Variants in MKX observed in about 807,000 individuals in gnomAD.
MKX encodes the protein homeobox protein Mohawk.
MKX carries 13 observed loss-of-function variants against 36.0 expected under a neutral mutation model. The observed-to-expected ratio is 0.36, with a 90% CI of 0.24 to 0.57. MKX has a LOEUF of 0.57. Among genes scored for constraint, MKX ranks in the 20% least tolerant of loss-of-function variants. MKX has a pLI of 0.79. For missense variants in MKX, 458 were observed against 456.4 expected (o/e 1.00, Z -0.03); for synonymous variants, 176 against 178.3 (o/e 0.99, Z 0.10).
chr10:27,684,637 G>C (rs1409217706), intron 5 of MKX, among the ~76,000 whole-genome samples: 1 of 152,162 alleles, frequency 6.6e-6, no homozygotes, highest in Non-Finnish European at 1.5e-5. Flanking sequence ...GCCTTTCCCA[G>C]TGTGGCAGTG....
chr10:27,686,394 A>AAAGGAAGGAAGGAAGG (rs199641003), intron 5 of MKX, among the ~76,000 whole-genome samples: 13 of 123,000 alleles, frequency 1.1e-4, no homozygotes, highest in African/African-American at 1.5e-4. Context: ...AAGGGAAGGG[A>AAAGGAAGGAAGGAAGG]AAGGAAGGAA....
intron 5 of MKX, among the ~76,000 whole-genome samples, chr10:27,708,727 C>CAA (rs754475857): frequency 1.0e-5 from 1 of 96,574 alleles, no homozygotes; most frequent in East Asian, 3.5e-4. Flanking sequence ...GACTTCTTTT[C>CAA]AAAAAAAAAA....
At chr10:27,727,432 G>A (rs1834515733) in intron 5 of MKX, among the ~76,000 whole-genome samples, 1 of 152,178 alleles carries the variant, frequency 6.6e-6, no homozygotes, top group South Asian at 2.1e-4. Flanking sequence ...TGAAACCCTG[G>A]TACAATTGCA....
chr10:27,696,934 G>C (rs1836565092), intron 5 of MKX, among the ~76,000 whole-genome samples: 1 of 152,164 alleles, frequency 6.6e-6, no homozygotes, highest in South Asian at 2.1e-4. Context: ...CTGTTGGTAA[G>C]AATTTTCTGT....
At position 27,725,548 on chromosome 10, in the gene MKX, A is replaced by G. The variant is rs142856169; in HGVS notation, c.838+8908T>C. Among the ~76,000 whole-genome samples, 5 of 152,248 alleles carry G rather than the reference A, an allele frequency of 3.3e-5. No homozygotes were observed. The East Asian group carries it at 9.6e-4, about 29-fold the overall frequency. ...GTACCAAAACTCTGGACTGGAAGAA[A>G]GCACATATTTACCCTGTGTAAAAAT... On this transcript the variant is annotated intron_variant, in intron 5 of 6. Coordinates refer to ENST00000419761, the MANE Select transcript of MKX (RefSeq NM_173576.3).
chr10:27,695,476 C>T (rs1323476208), intron 5 of MKX, among the ~76,000 whole-genome samples: 1 of 151,866 alleles, frequency 6.6e-6, no homozygotes, highest in Non-Finnish European at 1.5e-5. Context: ...ACTCAGTAAC[C>T]AGTTCTATTA....
chr10:27,718,082 G>A (rs1026522230), intron 5 of MKX, among the ~76,000 whole-genome samples: 54 of 152,218 alleles, frequency 3.5e-4, no homozygotes, highest in Non-Finnish European at 1.3e-4. Context: ...ATATTCTGTG[G>A]TCAGTTCACC....
rs1473361023 is a variant in MKX at position 27,741,047 on chromosome 10, C to T, written c.348+298G>A. 2.6e-5 allele frequency among the ~76,000 whole-genome samples: 4 copies of T among 152,152 alleles called. No individual in the cohort carries two copies. Among genetic ancestry groups the T allele is most frequent in the Non-Finnish European group, 5.9e-5 (4 of 68,026 alleles). On this transcript the variant is annotated intron_variant, in intron 3 of 6. Coordinates refer to ENST00000419761, the MANE Select transcript of MKX (RefSeq NM_173576.3). This position sits in a 1 kb window ranked among gnomAD's most constrained non-coding sequence, Gnocchi z 5.1. ...TCCGAAACTCGGAGGTGGGGCCTAG[C>T]GATTCGTGTTTTAAGCTCTCCAGGC... is the stretch of plus-strand genomic sequence containing the variant.
rs548781147 is a variant in MKX at position 27,743,334 on chromosome 10, G to C, written c.82C>G (p.Arg28Gly). The C allele has an allele frequency of 6.3e-7, 1 of 1,583,490 alleles. No individual in the cohort carries two copies. Among genetic ancestry groups the C allele is most frequent in the Non-Finnish European group, 8.6e-7 (1 of 1,167,876 alleles). ...CTGTCCAGGACACCGCTGTAGGGCC[G>C]GCCACCCCGCTCCCGCTCCGAGGCG... ...GGASERERGG[R>G]PYSGVLDSPH... Residue 28 changes from arginine to glycine, a missense_variant, in exon 2 of 7, where the codon CGG (arginine) becomes GGG (glycine). Transcript: ENST00000419761.
At chr10:27,716,142 A>G (rs758382536) in intron 5 of MKX, among the ~76,000 whole-genome samples, 1 of 152,222 alleles carries the variant, frequency 6.6e-6, no homozygotes, top group African/African-American at 2.4e-5. Context: ...TGTACATCAC[A>G]GAGTTATTGT....
chr10:27,721,417 C>A (rs1834377277), intron 5 of MKX, among the ~76,000 whole-genome samples: 1 of 152,160 alleles, frequency 6.6e-6, no homozygotes, highest in Admixed American at 6.5e-5. Context: ...AAATGTGGTA[C>A]ATATACACCA....
intron 5 of MKX, among the ~76,000 whole-genome samples, chr10:27,729,681 C>T (rs1019387630): frequency 2.0e-5 from 3 of 152,032 alleles, no homozygotes; most frequent in Non-Finnish European, 4.4e-5. Context: ...GTCCTCAAGT[C>T]GAGCAAAACA....
intron 5 of MKX, among the ~76,000 whole-genome samples, chr10:27,723,070 A>G (rs1834415322): frequency 6.6e-6 from 1 of 152,220 alleles, no homozygotes; most frequent in South Asian, 2.1e-4. Flanking sequence ...TAACCATGAA[A>G]TAGTCCTCGC....
Position 27,742,353 on chromosome 10 carries a change from G to T in MKX, c.189-849C>A, listed in dbSNP as rs1303236159. ...CCGAGGCTTGCGCGCCTGCGCCGGA[G>T]CCTCCTGGGTTTCTGCCTCTTTAAA... is the stretch of plus-strand genomic sequence containing the variant. On this transcript the variant is annotated intron_variant, in intron 2 of 6. Transcript: ENST00000419761. This position sits in a 1 kb window ranked among gnomAD's most constrained non-coding sequence, Gnocchi z 4.2. Among the ~76,000 whole-genome samples, 2 of 152,190 alleles carry T rather than the reference G, an allele frequency of 1.3e-5. No individual in the cohort carries two copies. The highest frequency in any genetic ancestry group is 4.8e-5 in the African/African-American group (2 of 41,466).
chr10:27,693,366 G>A (rs1836489042), intron 5 of MKX, among the ~76,000 whole-genome samples: 1 of 152,094 alleles, frequency 6.6e-6, no homozygotes, highest in South Asian at 2.1e-4. Flanking sequence ...GGCATCACCA[G>A]GCATTCAAAC....
Position 27,741,524 on chromosome 10 carries a change from G to A in MKX, c.189-20C>T. On this transcript the variant is annotated intron_variant, in intron 2 of 6. Coordinates refer to ENST00000419761, the MANE Select transcript of MKX (RefSeq NM_173576.3). The surrounding 1 kb of genome is among the most constrained non-coding windows in gnomAD (Gnocchi z 5.1). The stretch of plus-strand genomic sequence containing the variant: ...CGGGCGCTGGGACATGGGGAGAGGA[G>A]GCGGCCCTGGTGAGCGACGCGTTTG... 2.6e-6 allele frequency: 4 copies of A among 1,566,634 alleles called. No individual in the cohort carries two copies. The highest frequency in any genetic ancestry group is 2.6e-6 in the Non-Finnish European group (3 of 1,161,208).
intron 5 of MKX, among the ~76,000 whole-genome samples, chr10:27,677,237 T>C (rs1473322795): frequency 2.6e-5 from 4 of 152,192 alleles, no homozygotes; most frequent in Non-Finnish European, 2.9e-5. Flanking sequence ...CGCAAGGCCC[T>C]CTGCTAGTTC....
intron 5 of MKX, chr10:27,718,562 C>G (rs1449707825): frequency 4.5e-6 from 2 of 440,074 alleles, no homozygotes; most frequent in Non-Finnish European, 9.1e-6. Context: ...TTAAAAAATC[C>G]CAGGAGTCCT....
chr10:27,728,424 G>C (rs539748621), intron 5 of MKX, among the ~76,000 whole-genome samples: 66 of 152,328 alleles, frequency 4.3e-4, no homozygotes, highest in African/African-American at 1.4e-3. Flanking sequence ...GATCTGCCAA[G>C]GCATCTTTTT....
Sources: gnomAD v4.1 joint callset for allele counts (sites outside exome capture counted in the v4.1 genomes callset) on GRCh38, gnomAD v4.1.1 for gene constraint, Gnocchi (gnomAD v3.1) non-coding constraint, MANE v1.5 for transcripts, NCBI Gene and HGNC (gene_info 2026-07-23, HGNC 2026-07-21) for gene names.